Variants in CCDC192 observed in about 807,000 individuals in gnomAD.
CCDC192 encodes coiled-coil domain-containing protein 192.
chr5:127,920,751 T>C (rs191964048), intron 6 of CCDC192, among the ~76,000 whole-genome samples: 17 of 152,076 alleles, frequency 1.1e-4, no homozygotes, highest in Admixed American at 2.6e-4. Context: ...TCACTTTTGG[T>C]CCTTTTTCTC....
At chr5:127,803,707 C>G (rs1352849929) in intron 5 of CCDC192, among the ~76,000 whole-genome samples, 1 of 152,082 alleles carries the variant, frequency 6.6e-6, no homozygotes, top group Admixed American at 6.6e-5. Context: ...ATCCCAACGG[C>G]CATCCCATCT....
intron 3 of CCDC192, among the ~76,000 whole-genome samples, chr5:127,781,576 C>CTTTTTTTTTTTTT (rs1223496970): frequency 8.1e-6 from 1 of 124,168 alleles, no homozygotes. Flanking sequence ...CTAAGTATTC[C>CTTTTTTTTTTTTT]TTTTTTTTTT....
chr5:127,734,111 A>G (rs1362907702), intron 2 of CCDC192, among the ~76,000 whole-genome samples: 12 of 118,762 alleles, frequency 1.0e-4, no homozygotes, highest in Non-Finnish European at 1.5e-4. Flanking sequence ...AGAGTGTGAT[A>G]TTCCCCTTCC....
intron 2 of CCDC192, among the ~76,000 whole-genome samples, chr5:127,708,090 T>C (rs1019530055): frequency 1.3e-5 from 2 of 152,174 alleles, no homozygotes; most frequent in East Asian, 1.9e-4. Context: ...ATTTTTGAAG[T>C]GTCAGCTTGT....
rs190635102 is a variant in CCDC192, at chr5:127,915,705, A to T, written c.536-25477A>T. 5.4e-3 allele frequency among the ~76,000 whole-genome samples: 818 copies of T among 151,686 alleles called. 6 individuals are homozygous for T. Among genetic ancestry groups the T allele is most frequent in the African/African-American group, 0.019 (787 of 41,308 alleles). ...AATACTTCATAAACTTTCTTAAAAC[A>T]TCATGAGATTTCTTTTGCAATTTTT... On this transcript the variant is annotated intron_variant, in intron 6 of 6. Coordinates refer to ENST00000514853, the MANE Select transcript of CCDC192 (RefSeq NM_001317938.2).
At chr5:127,854,209 A>G (rs1016864184) in intron 5 of CCDC192, among the ~76,000 whole-genome samples, 1 of 152,180 alleles carries the variant, frequency 6.6e-6, no homozygotes, top group African/African-American at 2.4e-5. Context: ...TGAGTTCCTC[A>G]TAGCTCAATC....
intron 2 of CCDC192, among the ~76,000 whole-genome samples, chr5:127,747,733 A>T (rs1250799337): frequency 2.3e-3 from 343 of 150,318 alleles, no homozygotes; most frequent in Non-Finnish European, 4.2e-3. Flanking sequence ...ACAGTGTAAA[A>T]GTGTTCCTAT....
At chr5:127,857,565 T>TTA (rs1213381450) in intron 5 of CCDC192, 3 of 152,272 alleles carry the variant, frequency 2.0e-5, no homozygotes, top group South Asian at 2.1e-4. Flanking sequence ...CGTACATATT[T>TTA]TATATATATG....
chr5:127,799,509 A>T (rs1253744806), intron 5 of CCDC192, among the ~76,000 whole-genome samples: 1 of 152,196 alleles, frequency 6.6e-6, no homozygotes, highest in East Asian at 1.9e-4. Flanking sequence ...GACTATTGTC[A>T]GAGGATGTCC....
intron 5 of CCDC192, among the ~76,000 whole-genome samples, chr5:127,806,038 T>C (rs955790795): frequency 2.0e-5 from 3 of 152,212 alleles, no homozygotes; most frequent in Non-Finnish European, 4.4e-5. Context: ...CTCTCTGAAC[T>C]ATGATCCACT....
intron 3 of CCDC192, among the ~76,000 whole-genome samples, chr5:127,783,295 C>A (rs1018756882): frequency 2.0e-5 from 3 of 152,126 alleles, no homozygotes; most frequent in Non-Finnish European, 4.4e-5. Context: ...CACCCAGCAT[C>A]CCAGAGGTTT....
intron 5 of CCDC192, among the ~76,000 whole-genome samples, chr5:127,819,629 C>T (rs1749191977): frequency 6.6e-6 from 1 of 152,076 alleles, no homozygotes; most frequent in Non-Finnish European, 1.5e-5. Flanking sequence ...GAGCCAAACC[C>T]TCTGATGGTT....
intron 5 of CCDC192, among the ~76,000 whole-genome samples, chr5:127,852,569 G>A (rs149796210): frequency 4.3e-4 from 65 of 152,304 alleles, no homozygotes; most frequent in African/African-American, 1.5e-3. Context: ...CCCAACCAGA[G>A]CCTCGGCTGA....
At chr5:127,728,446 A>G (rs1475027433) in intron 2 of CCDC192, among the ~76,000 whole-genome samples, 1 of 152,232 alleles carries the variant, frequency 6.6e-6, no homozygotes, top group Non-Finnish European at 1.5e-5. Context: ...CAGCCAAACT[A>G]AGCTTCATAA....
chr5:127,816,299 G>T (rs1234011791), intron 5 of CCDC192, among the ~76,000 whole-genome samples: 2 of 152,158 alleles, frequency 1.3e-5, no homozygotes, highest in Non-Finnish European at 2.9e-5. Flanking sequence ...GAAAAGGGGG[G>T]ATTTTCTGCA....
At chr5:127,794,248 C>A (rs1757040341) in intron 3 of CCDC192, among the ~76,000 whole-genome samples, 1 of 152,180 alleles carries the variant, frequency 6.6e-6, no homozygotes, top group Admixed American at 6.5e-5. Flanking sequence ...GTCATGATGA[C>A]CAGGGCCTAC....
intron 2 of CCDC192, among the ~76,000 whole-genome samples, chr5:127,709,156 AGAGAGGGG>A (rs1434528241): frequency 1.7e-4 from 20 of 116,722 alleles, no homozygotes; most frequent in African/African-American, 5.2e-4. Flanking sequence ...AAGAAGAGAG[AGAGAGGGG>A]GAGAGGGGGA....
chr5:127,860,614 G>C (rs1751316893), intron 5 of CCDC192, among the ~76,000 whole-genome samples: 1 of 151,928 alleles, frequency 6.6e-6, no homozygotes, highest in African/African-American at 2.4e-5. Context: ...GAAATAAAGA[G>C]AGCTATTGAG....
intron 3 of CCDC192, among the ~76,000 whole-genome samples, chr5:127,772,123 T>C (rs1755591210): frequency 2.6e-5 from 4 of 152,146 alleles, no homozygotes; most frequent in Admixed American, 2.6e-4. Context: ...ACAATATGTC[T>C]ATAGGTGGGC....
Sources: gnomAD v4.1 joint callset for allele counts (sites outside exome capture counted in the v4.1 genomes callset) on GRCh38, gnomAD v4.1.1 for gene constraint, MANE v1.5 for transcripts, NCBI Gene and HGNC (gene_info 2026-07-23, HGNC 2026-07-21) for gene names.